DPY30: variants seen among roughly 807,000 people sequenced by gnomAD.
DPY30 encodes protein dpy-30 homolog.
In DPY30, 6 loss-of-function variants were observed where a neutral mutation model predicts 16.2. The observed-to-expected ratio is 0.37, with a 90% CI of 0.20 to 0.73. The LOEUF (loss-of-function observed/expected upper bound fraction) is 0.73, where lower values mean the gene tolerates loss of function less well. Among genes scored for constraint, DPY30 ranks in the 30% least tolerant of loss-of-function variants. DPY30 has a pLI of 0.51. For missense variants in DPY30, 73 were observed against 113.1 expected (o/e 0.65, Z 1.61); for synonymous variants, 39 against 38.8 (o/e 1.00, Z -0.02).
At chr2:32,039,347 C>T (rs575704755) in intron 2 of DPY30, 21 bp from the exon 3 acceptor site, 1 of 1,614,100 alleles carries the variant, frequency 6.2e-7, no homozygotes, top group Non-Finnish European at 8.5e-7. Context: ...AAACACCGGT[C>T]ACAGAGATAT....
intron 5 of DPY30, among the ~76,000 whole-genome samples, chr2:32,015,941 G>A (rs1353270826): frequency 1.9e-4 from 29 of 151,932 alleles, no homozygotes; most frequent in Admixed American, 1.8e-3. Context: ...TGCCCAGGGA[G>A]TGCACTGGCG....
chr2:32,030,481 T>C (rs1675493403), intron 3 of DPY30, among the ~76,000 whole-genome samples: 1 of 151,624 alleles, frequency 6.6e-6, no homozygotes, highest in Non-Finnish European at 1.5e-5. Flanking sequence ...ATACAAACAA[T>C]TCCCCGGGCG....
At chr2:32,033,985 G>A (rs1461003768) in intron 3 of DPY30, among the ~76,000 whole-genome samples, 1 of 152,124 alleles carries the variant, frequency 6.6e-6, no homozygotes. Context: ...ATAAAGTGTA[G>A]GGAGAGAGAA....
At chr2:32,033,265 A>G (rs144512489) in intron 3 of DPY30, among the ~76,000 whole-genome samples, 3,787 of 149,536 alleles carry the variant, frequency 0.025, 167 homozygotes, top group African/African-American at 0.088. Flanking sequence ...CCGAGATCGC[A>G]CCGTTGCACT....
chr2:32,028,612 C>T (rs530689575), intron 4 of DPY30, among the ~76,000 whole-genome samples: 11 of 152,166 alleles, frequency 7.2e-5, no homozygotes, highest in African/African-American at 2.6e-4. Flanking sequence ...ATCATTCTGG[C>T]CAACATGGTG....
chr2:32,032,455 G>A (rs1021994086), intron 3 of DPY30, among the ~76,000 whole-genome samples: 1 of 152,102 alleles, frequency 6.6e-6, no homozygotes, highest in Non-Finnish European at 1.5e-5. Flanking sequence ...AATCCACTAT[G>A]TTCAAAACTT....
downstream of DPY30, among the ~76,000 whole-genome samples, chr2:32,022,175 A>G (rs1049137577): frequency 2.0e-5 from 3 of 150,422 alleles, no homozygotes; most frequent in Non-Finnish European, 4.4e-5. Flanking sequence ...ACGCCATTGC[A>G]CTCCAGCCTG....
intron 3 of DPY30, among the ~76,000 whole-genome samples, chr2:32,033,874 G>C (rs544733937): frequency 5.9e-5 from 9 of 152,228 alleles, no homozygotes; most frequent in Admixed American, 2.6e-4. Context: ...CAAACAATGA[G>C]CTGATAAGAC....
intron 5 of DPY30, among the ~76,000 whole-genome samples, chr2:32,013,958 A>C (rs1675016044): frequency 6.6e-6 from 1 of 150,654 alleles, no homozygotes. Context: ...CTGTGAGCCG[A>C]GATCATGCCA....
chr2:32,017,983 G>A (rs1558581585), intron 5 of DPY30, among the ~76,000 whole-genome samples: 1 of 152,146 alleles, frequency 6.6e-6, no homozygotes, highest in East Asian at 1.9e-4. Flanking sequence ...TGAAGACAAA[G>A]CTAGGAGGTG....
chr2:32,024,694 C>T (rs1271133856), intron 4 of DPY30, among the ~76,000 whole-genome samples: 1 of 152,038 alleles, frequency 6.6e-6, no homozygotes. Context: ...GTGTAATATC[C>T]TTCAATAAAA....
intron 5 of DPY30, among the ~76,000 whole-genome samples, chr2:32,014,317 G>A (rs947625840): frequency 2.0e-5 from 3 of 152,094 alleles, no homozygotes; most frequent in African/African-American, 7.2e-5. Flanking sequence ...ACAAAAAAAA[G>A]CTAAAAATAA....
intron 3 of DPY30, among the ~76,000 whole-genome samples, chr2:32,035,107 T>TAA (rs770273592): frequency 7.4e-6 from 1 of 135,456 alleles, no homozygotes; most frequent in Non-Finnish European, 1.6e-5. Flanking sequence ...AGACTCCATT[T>TAA]AAAAAAAAAA....
chr2:32,012,411 TC>T (rs1674963356), intron 5 of DPY30, among the ~76,000 whole-genome samples: 2 of 135,920 alleles, frequency 1.5e-5, no homozygotes, highest in African/African-American at 2.7e-5. Flanking sequence ...AAAACCTCTC[TC>T]TTTTTTCTTT....
chr2:32,030,993 T>TA (rs1211909129), intron 3 of DPY30, among the ~76,000 whole-genome samples: 1 of 152,176 alleles, frequency 6.6e-6, no homozygotes, highest in African/African-American at 2.4e-5. Context: ...AAATGAAGTT[T>TA]AAAAAATAAC....
rs1361533994 is a variant in DPY30 at position 32,024,035 on chromosome 2, A to AT, written c.*148dup. On this transcript the variant is annotated 3_prime_UTR_variant, in exon 5 of 5. Coordinates refer to ENST00000342166, the MANE Select transcript of DPY30 (RefSeq NM_001321209.2). ...GTGATTAAATCAAAATAAGGGAAAT[A>AT]TGTTATCTTCTGCAATTCCAGAAAT... 2.7e-6 allele frequency: 4 copies of AT among 1,486,440 alleles called. No individual in the cohort carries two copies. The East Asian group carries it at 1.0e-4, about 37-fold the overall frequency. 92.1% of individuals were successfully genotyped at this position (1,486,440 alleles called of 1,614,324 possible).
intron 4 of DPY30, among the ~76,000 whole-genome samples, chr2:32,025,644 C>T (rs1405477035): frequency 1.3e-5 from 2 of 151,860 alleles, no homozygotes; most frequent in Non-Finnish European, 2.9e-5. Context: ...TGCCTGTAGT[C>T]CCAGCTACTC....
intron 3 of DPY30, among the ~76,000 whole-genome samples, chr2:32,038,032 T>C (rs1675812162): frequency 6.6e-6 from 1 of 152,002 alleles, no homozygotes; most frequent in African/African-American, 2.4e-5. Flanking sequence ...AGAAGTTCAG[T>C]AACTTGTTCA....
downstream of DPY30, among the ~76,000 whole-genome samples, chr2:32,011,694 A>G (rs1674926840): frequency 6.6e-6 from 1 of 152,228 alleles, no homozygotes; most frequent in East Asian, 1.9e-4. Flanking sequence ...CACCATTGCA[A>G]AAGTAGGAAT....
Sources: gnomAD v4.1 joint callset for allele counts (sites outside exome capture counted in the v4.1 genomes callset) on GRCh38, gnomAD v4.1.1 for gene constraint, MANE v1.5 for transcripts, NCBI Gene and HGNC (gene_info 2026-07-23, HGNC 2026-07-21) for gene names.